TNFSF11: variants seen among roughly 807,000 people sequenced by gnomAD.
TNFSF11 encodes the protein TNF superfamily member 11.
In TNFSF11, 12 loss-of-function variants were observed where a neutral mutation model predicts 32.2. The ratio of observed to expected loss-of-function variants is 0.37; its 90% CI spans 0.24 to 0.60. The LOEUF (loss-of-function observed/expected upper bound fraction) is 0.60. TNFSF11 is among the 20% of genes least tolerant of loss of function. The probability of loss-of-function intolerance (pLI) is 0.66; values close to 1 mark genes in which losing one functional copy is unlikely to be tolerated. For synonymous variants in TNFSF11, 172 were observed against 152.1 expected (o/e 1.13, Z -0.96); for missense variants, 345 against 398.0 (o/e 0.87, Z 1.13).
At chr13:42,596,720 G>A (rs73174448) in intron 2 of TNFSF11, among the ~76,000 whole-genome samples, 7,773 of 152,268 alleles carry the variant, frequency 0.051, 307 homozygotes, top group Non-Finnish European at 0.076. Flanking sequence ...TTTTCAATAC[G>A]TGGAATATAT....
chr13:42,603,360 C>T (rs1372541733), intron 4 of TNFSF11, among the ~76,000 whole-genome samples: 1 of 152,066 alleles, frequency 6.6e-6, no homozygotes, highest in African/African-American at 2.4e-5. Context: ...GCAGGGGAGG[C>T]TGGGAAAGCT....
chr13:42,603,865 C>CT lies in TNFSF11; in HGVS notation c.533-2631dup, dbSNP rs927926946. On this transcript the variant is annotated intron_variant, in intron 4 of 4. Coordinates refer to ENST00000398795, the MANE Select transcript of TNFSF11 (RefSeq NM_003701.4). Reference sequence around the variant, plus strand: ...TTAATTACGGGCAGACTGCCTGTTCCTAAAAACACCACGTAGATATTGTGT... The same window carrying CT: ...TTAATTACGGGCAGACTGCCTGTTCCTTAAAAACACCACGTAGATATTGTGT... Among the ~76,000 whole-genome samples the CT allele has an allele frequency of 2.5e-4, 38 of 152,296 alleles. 1 individual carries two copies. The highest frequency in any genetic ancestry group is 9.1e-4 in the African/African-American group (38 of 41,552).
Position 42,607,484 on chromosome 13 carries a change from C to G in TNFSF11, c.*566C>G, listed in dbSNP as rs1869528344. 1 of 152,688 alleles carries G rather than the reference C, an allele frequency of 6.5e-6. No homozygotes were observed. Among genetic ancestry groups the G allele is most frequent in the African/African-American group, 2.4e-5 (1 of 41,398 alleles). The allele number at this position is 152,688 out of a possible 1,614,324, so 9.5% of individuals were successfully genotyped here. A position where few individuals can be genotyped will look rare whatever the true frequency, so the allele number is the denominator to read the frequency against. On this transcript the variant is annotated 3_prime_UTR_variant, in exon 5 of 5. Coordinates refer to ENST00000398795, the MANE Select transcript of TNFSF11 (RefSeq NM_003701.4). ...TTTGATTCAAAATATTTAAAAATGTCTTGCTGTTGACATATTTAATGTTTT... is the reference window on the plus strand; with the variant it reads ...TTTGATTCAAAATATTTAAAAATGTGTTGCTGTTGACATATTTAATGTTTT...
At chr13:42,569,425 G>T (rs1248262568), upstream of TNFSF11, among the ~76,000 whole-genome samples, 1 of 152,012 alleles carries the variant, frequency 6.6e-6, no homozygotes, top group Non-Finnish European at 1.5e-5. Context: ...GCGGTCACCT[G>T]TAGTCCCAGC....
intron 2 of TNFSF11, among the ~76,000 whole-genome samples, chr13:42,566,917 G>C (rs759725675): frequency 6.6e-6 from 1 of 152,038 alleles, no homozygotes; most frequent in Non-Finnish European, 1.5e-5. Context: ...TGCTTGAACC[G>C]GGGGGCAGAG....
chr13:42,598,743 G>T (rs147947748), intron 2 of TNFSF11, among the ~76,000 whole-genome samples: 2 of 152,192 alleles, frequency 1.3e-5, no homozygotes, highest in Non-Finnish European at 2.9e-5. Flanking sequence ...GTAGTAGAGC[G>T]CCATGAGCAG....
chr13:42,588,766 C>G (rs1046851330), intron 2 of TNFSF11, among the ~76,000 whole-genome samples: 1 of 152,100 alleles, frequency 6.6e-6, no homozygotes, highest in African/African-American at 2.4e-5. Context: ...TTCAAAGCAT[C>G]CTAGGAAGAG....
chr13:42,606,613 T>C lies in TNFSF11; in HGVS notation c.649T>C (p.Tyr217His). 6.2e-7 allele frequency: 1 copy of C among 1,614,216 alleles called. No individual in the cohort carries two copies. The highest frequency in any genetic ancestry group is 8.5e-7 in the Non-Finnish European group (1 of 1,180,048). Reference protein sequence around the residue: ...IVNQDGFYYLYANICFRHHET... With the variant: ...IVNQDGFYYLHANICFRHHET... Reference sequence around the variant, plus strand: ...TAATCAGGATGGCTTTTATTACCTGTATGCCAACATTTGCTTTCGACATCA... The same window carrying C: ...TAATCAGGATGGCTTTTATTACCTGCATGCCAACATTTGCTTTCGACATCA... Residue 217 changes from tyrosine to histidine, a missense_variant, in exon 5 of 5, where the codon TAT becomes CAT. By Grantham distance (83) the Tyr-to-His change is moderately conservative (BLOSUM62 2). Transcript: ENST00000398795.
upstream of TNFSF11, chr13:42,574,147 GC>G: frequency 3.2e-6 from 3 of 943,494 alleles, no homozygotes; most frequent in Non-Finnish European, 4.8e-6. Flanking sequence ...GCTGCCGGGC[GC>G]CCTGCCCGCT....
chr13:42,569,880 T>A (rs1481660244), upstream of TNFSF11, among the ~76,000 whole-genome samples: 1 of 152,168 alleles, frequency 6.6e-6, no homozygotes, highest in Non-Finnish European at 1.5e-5. Flanking sequence ...ATTGTAGAGA[T>A]GTGAAAAAAT....
Position 42,607,986 on chromosome 13 carries a change from A to G in TNFSF11, c.*1068A>G, listed in dbSNP as rs1196409587. ...TGCCTTTGAATGTTAATTTTTTGGT[A>G]CAAAAATAAATTTATATGAAAACCT... On this transcript the variant is annotated 3_prime_UTR_variant, in exon 5 of 5. Coordinates refer to ENST00000398795, the MANE Select transcript of TNFSF11 (RefSeq NM_003701.4). The G allele has an allele frequency of 6.5e-6, 1 of 152,742 alleles. No individual in the cohort carries two copies. The highest frequency in any genetic ancestry group is 1.5e-5 in the Non-Finnish European group (1 of 68,034). The allele number at this position is 152,742 out of a possible 1,614,324, so 9.5% of individuals were successfully genotyped here.
At chr13:42,578,632 CA>C (rs1322442262) in intron 1 of TNFSF11, among the ~76,000 whole-genome samples, 2 of 151,688 alleles carry the variant, frequency 1.3e-5, no homozygotes, top group African/African-American at 4.9e-5. Flanking sequence ...TGCTGCCTTC[CA>C]AAACAGTGGT....
chr13:42,583,271 G>T (rs1455855026), intron 2 of TNFSF11, among the ~76,000 whole-genome samples: 1 of 151,296 alleles, frequency 6.6e-6, no homozygotes, highest in Non-Finnish European at 1.5e-5. Flanking sequence ...AAATTAGCTG[G>T]GCATGGCAAC....
At chr13:42,569,590 G>A (rs1872989386), upstream of TNFSF11, among the ~76,000 whole-genome samples, 1 of 151,556 alleles carries the variant, frequency 6.6e-6, no homozygotes, top group Non-Finnish European at 1.5e-5. Flanking sequence ...AAGAGAAAGA[G>A]AGAGAGAGAT....
intron 1 of TNFSF11, among the ~76,000 whole-genome samples, chr13:42,564,296 G>T (rs573676265): frequency 8.5e-5 from 13 of 152,120 alleles, no homozygotes; most frequent in African/African-American, 3.1e-4. Flanking sequence ...GGCTGGGCAC[G>T]GTGGCTCACA....
intron 2 of TNFSF11, among the ~76,000 whole-genome samples, chr13:42,597,735 C>G (rs1868900081): frequency 6.6e-6 from 1 of 152,220 alleles, no homozygotes; most frequent in Non-Finnish European, 1.5e-5. Flanking sequence ...TGGGGCTGGT[C>G]CCAGCAGCCT....
intron 4 of TNFSF11, among the ~76,000 whole-genome samples, chr13:42,605,700 C>A (rs1200460863): frequency 1.3e-5 from 2 of 152,160 alleles, no homozygotes; most frequent in African/African-American, 4.8e-5. Context: ...CTTTACAGAC[C>A]TTTGGTCAGA....
chr13:42,564,639 AT>A (rs1189051495), intron 1 of TNFSF11, among the ~76,000 whole-genome samples: 6 of 151,882 alleles, frequency 4.0e-5, no homozygotes, highest in East Asian at 3.9e-4. Context: ...TTAATTGGAT[AT>A]TTTTTCCCTC....
chr13:42,605,207 C>T (rs1229202787), intron 4 of TNFSF11, among the ~76,000 whole-genome samples: 2 of 152,210 alleles, frequency 1.3e-5, no homozygotes, highest in Non-Finnish European at 2.9e-5. Context: ...CCCTCAGCAT[C>T]TCAGGGCCTG....
Sources: gnomAD v4.1 joint callset for allele counts (sites outside exome capture counted in the v4.1 genomes callset) on GRCh38, gnomAD v4.1.1 for gene constraint, MANE v1.5 for transcripts, NCBI Gene and HGNC (gene_info 2026-07-23, HGNC 2026-07-21) for gene names.